The following CLSPN variants were observed in gnomAD, a reference collection of about 807,000 sequenced individuals.
The protein encoded by CLSPN is claspin homolog.
A neutral mutation model predicts 156.3 loss-of-function variants in CLSPN; 85 were observed. That is an observed-to-expected ratio of 0.54 (90% CI 0.46 to 0.65). CLSPN has a LOEUF of 0.65. CLSPN is among the 30% of genes least tolerant of loss of function. The pLI is 0.00. For synonymous variants in CLSPN, 534 were observed against 542.4 expected (o/e 0.98, Z 0.22); for missense variants, 1,407 against 1,554.9 (o/e 0.90, Z 1.60).
chr1:35,739,005 T>A, intron 20 of CLSPN, 131 bp downstream of exon 20: 3 of 1,022,184 alleles, frequency 2.9e-6, no homozygotes, highest in Non-Finnish European at 4.3e-6. Context: ...TTCACCATGT[T>A]GTTCAGGCTG....
At chr1:35,757,118 G>C (rs1232416536) in intron 8 of CLSPN, among the ~76,000 whole-genome samples, 1 of 152,118 alleles carries the variant, frequency 6.6e-6, no homozygotes, top group East Asian at 1.9e-4. Flanking sequence ...TCTCTACTGA[G>C]CTCATTTCAG....
chr1:35,763,140 T>G lies in CLSPN; in HGVS notation c.744+20A>C. ...TCAGAAGCAGTTGATTAACTCTTAT[T>G]GCAATCATGCTTTACTTGCCTTGTG... On this transcript the variant is annotated intron_variant, in intron 4 of 24. Transcript: ENST00000318121. 3.9e-6 allele frequency: 6 copies of G among 1,525,002 alleles called. No individual in the cohort carries two copies. Among genetic ancestry groups the G allele is most frequent in the Non-Finnish European group, 5.3e-6 (6 of 1,139,410 alleles). The allele number at this position is 1,525,002 out of a possible 1,614,324, so 94.5% of individuals were successfully genotyped here.
intron 24 of CLSPN, among the ~76,000 whole-genome samples, chr1:35,723,852 ATGG>A (rs1641123527): frequency 6.6e-6 from 1 of 152,126 alleles, no homozygotes; most frequent in African/African-American, 2.4e-5. Flanking sequence ...TTAGCCGGGC[ATGG>A]TGGCACACGC....
chr1:35,762,265 T>C, intron 5 of CLSPN, 139 bp downstream of exon 5: 4 of 832,812 alleles, frequency 4.8e-6, no homozygotes, highest in Non-Finnish European at 7.6e-6. Flanking sequence ...CCAATCCATA[T>C]TTTGTTCCTA....
chr1:35,768,662 G>A (rs1642759454), intron 1 of CLSPN, among the ~76,000 whole-genome samples: 1 of 151,558 alleles, frequency 6.6e-6, no homozygotes, highest in Admixed American at 6.6e-5. Flanking sequence ...GCAATCTGCC[G>A]GCCTTAGCCT....
chr1:35,751,749 T>G (rs1642093003), intron 9 of CLSPN, among the ~76,000 whole-genome samples: 1 of 151,256 alleles, frequency 6.6e-6, no homozygotes, highest in Admixed American at 6.6e-5. Context: ...AGAGAAAAGG[T>G]GGGTAGGGAG....
At chr1:35,727,157 A>T (rs1248005151), downstream of CLSPN, among the ~76,000 whole-genome samples, 1 of 152,214 alleles carries the variant, frequency 6.6e-6, no homozygotes, top group Admixed American at 6.5e-5. Flanking sequence ...ATTTCCCAGG[A>T]AGCCAACTCT....
chr1:35,769,804 C>G, intron 1 of CLSPN, 43 bp downstream of exon 1: 1 of 1,574,282 alleles, frequency 6.4e-7, no homozygotes, highest in Non-Finnish European at 8.6e-7. Context: ...CTCTCGGTGC[C>G]CGGCCTTCTA....
At position 35,746,751 on chromosome 1, in the gene CLSPN, C is replaced by T. The variant is rs375305344; in HGVS notation, c.2854+15G>A. The T allele has an allele frequency of 1.3e-5, 20 of 1,549,682 alleles. No individual in the cohort carries two copies. Among genetic ancestry groups the T allele is most frequent in the African/African-American group, 4.1e-5 (3 of 73,552 alleles). ...TTGGGTGTGGTAAGCTTGATACTCTCGGTTGGATATTTACCCTGAGAAGTG... is the reference window on the plus strand; with the variant it reads ...TTGGGTGTGGTAAGCTTGATACTCTTGGTTGGATATTTACCCTGAGAAGTG... On this transcript the variant is annotated intron_variant, in intron 15 of 24. Coordinates refer to ENST00000318121, the MANE Select transcript of CLSPN (RefSeq NM_022111.4). This position sits in a 1 kb window ranked among gnomAD's most constrained non-coding sequence, Gnocchi z 4.2.
intron 18 of CLSPN, among the ~76,000 whole-genome samples, chr1:35,739,903 G>A (rs1394128019): frequency 6.6e-6 from 1 of 152,144 alleles, no homozygotes; most frequent in African/African-American, 2.4e-5. Flanking sequence ...GTGCTTTACA[G>A]GCATTAACAT....
intron 18 of CLSPN, among the ~76,000 whole-genome samples, chr1:35,740,235 G>C (rs1641645129): frequency 1.3e-5 from 2 of 152,122 alleles, no homozygotes; most frequent in African/African-American, 4.8e-5. Context: ...TCAGAAGGAA[G>C]ACTAAGGCTC....
chr1:35,769,347 C>G (rs1030918455), intron 1 of CLSPN, among the ~76,000 whole-genome samples: 2 of 152,180 alleles, frequency 1.3e-5, no homozygotes, highest in Admixed American at 1.3e-4. Flanking sequence ...ACTCGGGGCC[C>G]GGTCGGAAAA....
rs779890645 is a variant in CLSPN, at chr1:35,733,738, G to A, written c.*2758C>T. 2.1e-5 allele frequency: 20 copies of A among 973,312 alleles called. No homozygotes were observed. The highest frequency in any genetic ancestry group is 2.3e-5 in the Non-Finnish European group (19 of 819,250). 60.3% of individuals were successfully genotyped at this position (973,312 alleles called of 1,614,324 possible). On this transcript the variant is annotated 3_prime_UTR_variant, in exon 25 of 25. Coordinates refer to ENST00000318121, the MANE Select transcript of CLSPN (RefSeq NM_022111.4). Reference sequence around the variant, plus strand: ...TGAGCCTGTGACCCCAGCATTTTGGGAGGCCAAGGTGGGAGGATTACTTGA... The same window carrying A: ...TGAGCCTGTGACCCCAGCATTTTGGAAGGCCAAGGTGGGAGGATTACTTGA...
At chr1:35,739,973 C>G (rs1641637480) in intron 18 of CLSPN, among the ~76,000 whole-genome samples, 3 of 152,166 alleles carry the variant, frequency 2.0e-5, no homozygotes, top group Admixed American at 6.5e-5. Flanking sequence ...AATTGAGCCT[C>G]AGAAAGATTA....
rs1255897095 is a variant in CLSPN, at chr1:35,739,505, A to G, written c.3168T>C (p.Asp1056=). 6.2e-7 allele frequency: 1 copy of G among 1,613,430 alleles called. No individual in the cohort carries two copies. The highest frequency in any genetic ancestry group is 1.3e-5 in the African/African-American group (1 of 74,888). The change falls in exon 19 of 25, where the codon GAT becomes GAC. Residue 1056 remains aspartate, a synonymous_variant. Coordinates refer to ENST00000318121, the MANE Select transcript of CLSPN (RefSeq NM_022111.4). ...RQMRLRKYLE[D]EAEVSGSDVG... ...CATCACTTCCTGACACCTCTGCCTCATCCTCCAGGTATTTCCTCAACCTCC... is the reference window on the plus strand; with the variant it reads ...CATCACTTCCTGACACCTCTGCCTCGTCCTCCAGGTATTTCCTCAACCTCC...
In CLSPN at chr1:35,745,560, C is replaced by T. The variant is rs1305464942; in HGVS notation, c.2857G>A (p.Ala953Thr). 3 of 1,598,324 alleles carry T rather than the reference C, an allele frequency of 1.9e-6. No homozygotes were observed. The highest frequency in any genetic ancestry group is 3.3e-5 in the Admixed American group (2 of 60,000). The stretch of plus-strand genomic sequence containing the variant: ...AACTCTGATGAGGCTGGAGTGGAGG[C>T]ATCTACATCACAACAAGGAAAAGAT... ...LCSGKFTSQD[A>T]STPASSELNK... is the part of the protein sequence containing the mutation. The change falls in exon 16 of 25, where the codon GCC becomes ACC. Residue 953 changes from alanine (A) to threonine (T), a missense_variant and splice_region_variant. By Grantham distance (58) the Ala-to-Thr change is moderately conservative (BLOSUM62 0). Coordinates refer to ENST00000318121, the MANE Select transcript of CLSPN (RefSeq NM_022111.4).
chr1:35,731,000 G>C (rs1641303547), downstream of CLSPN, among the ~76,000 whole-genome samples: 1 of 152,108 alleles, frequency 6.6e-6, no homozygotes, highest in South Asian at 2.1e-4. Flanking sequence ...AAGAGTTCGA[G>C]ACCAGCCTGA....
Position 35,746,701 on chromosome 1 carries a change from G to T in CLSPN, c.2854+65C>A. On this transcript the variant is annotated intron_variant, in intron 15 of 24. Coordinates refer to ENST00000318121, the MANE Select transcript of CLSPN (RefSeq NM_022111.4). The surrounding 1 kb of genome is among the most constrained non-coding windows in gnomAD (Gnocchi z 4.2). ...GCATGAGCCACCCCACCCGCCCAGG[G>T]AATTCTTTTCAAGGGCACTGATACT... 8.7e-7 allele frequency: 1 copy of T among 1,143,206 alleles called. No individual in the cohort carries two copies. The highest frequency in any genetic ancestry group is 1.5e-5 in the African/African-American group (1 of 65,650). 70.8% of individuals were successfully genotyped at this position (1,143,206 alleles called of 1,614,324 possible).
Position 35,735,756 on chromosome 1 carries a change from C to A in CLSPN, c.*740G>T, listed in dbSNP as rs922037348. The A allele has an allele frequency of 3.0e-6, 3 of 984,500 alleles. No homozygotes were observed. Among genetic ancestry groups the A allele is most frequent in the Non-Finnish European group, 3.6e-6 (3 of 829,686 alleles). The allele number at this position is 984,500 out of a possible 1,614,324, so 61.0% of individuals were successfully genotyped here. On this transcript the variant is annotated 3_prime_UTR_variant, in exon 25 of 25. Coordinates refer to ENST00000318121, the MANE Select transcript of CLSPN (RefSeq NM_022111.4). ...TCACCGAGCCCTGGTCATCATGGTA[C>A]GTATCTCATGGGTGTAAAGGAGTCA...
Sources: allele counts gnomAD v4.1 joint callset (sites outside exome capture counted in the v4.1 genomes callset), GRCh38; gene constraint gnomAD v4.1.1; non-coding constraint Gnocchi (gnomAD v3.1); transcripts MANE v1.5; gene names NCBI Gene and HGNC (gene_info 2026-07-23, HGNC 2026-07-21).